Variants in ATXN3 observed in about 807,000 individuals in gnomAD.
ATXN3 encodes the protein ataxin-3.
ATXN3 carries 28 observed loss-of-function variants against 58.2 expected under a neutral mutation model. The ratio of observed to expected loss-of-function variants is 0.48; its 90% CI spans 0.36 to 0.66. The LOEUF (loss-of-function observed/expected upper bound fraction) is 0.66. Ranked by LOEUF, ATXN3 falls within the 30% of genes least tolerant of loss-of-function variation. The pLI, the probability that ATXN3 is intolerant of heterozygous loss-of-function variation, is 0.00. For synonymous variants in ATXN3, 113 were observed against 138.5 expected (o/e 0.82, Z 1.29); for missense variants, 321 against 422.1 (o/e 0.76, Z 2.10).
intron 10 of ATXN3, among the ~76,000 whole-genome samples, chr14:92,065,074 C>G (rs1363004418): frequency 6.6e-6 from 1 of 152,208 alleles, no homozygotes; most frequent in Non-Finnish European, 1.5e-5. Context: ...TATAATACCA[C>G]AAAGATCTCC....
At chr14:92,048,858 G>A (rs779471266) in intron 1 of ATXN3, among the ~76,000 whole-genome samples, 7 of 152,140 alleles carry the variant, frequency 4.6e-5, no homozygotes, top group South Asian at 2.1e-4. Context: ...CAAAGGACTC[G>A]GAGCTTGGGG....
chr14:92,093,963 T>G, intron 3 of ATXN3, 132 bp from the exon 4 acceptor site: 1 of 521,410 alleles, frequency 1.9e-6, no homozygotes, highest in Non-Finnish European at 3.3e-6. Flanking sequence ...TTTTTTTTTG[T>G]GACAGAGTCT....
chr14:92,056,801 G>C (rs1254684645), downstream of ATXN3, among the ~76,000 whole-genome samples: 2 of 152,146 alleles, frequency 1.3e-5, no homozygotes, highest in Non-Finnish European at 2.9e-5. Context: ...ATTTGAACCA[G>C]AGCAACTCCA....
At chr14:92,098,042 T>G (rs550396213) in intron 1 of ATXN3, among the ~76,000 whole-genome samples, 3 of 152,302 alleles carry the variant, frequency 2.0e-5, no homozygotes, top group Non-Finnish European at 4.4e-5. Context: ...TATAAAACAT[T>G]TAGTCTCCCT....
chr14:92,100,037 A>G (rs1031548983), intron 1 of ATXN3, among the ~76,000 whole-genome samples: 2 of 152,230 alleles, frequency 1.3e-5, no homozygotes, highest in Non-Finnish European at 2.9e-5. Flanking sequence ...AAAGAACACA[A>G]AAGAGGTACT....
intron 1 of ATXN3, among the ~76,000 whole-genome samples, chr14:92,048,662 G>C (rs56321668): frequency 0.077 from 11,702 of 152,208 alleles, 590 homozygotes; most frequent in Admixed American, 0.14. Context: ...GAAATTGTTG[G>C]GCAGGTAGGG....
At chr14:92,066,394 T>A (rs951475420) in intron 10 of ATXN3, among the ~76,000 whole-genome samples, 2 of 152,134 alleles carry the variant, frequency 1.3e-5, no homozygotes, top group Admixed American at 6.6e-5. Flanking sequence ...AAGTCTATTG[T>A]GTTTACCCAT....
intron 6 of ATXN3, among the ~76,000 whole-genome samples, chr14:92,083,964 T>C (rs1431846059): frequency 6.6e-6 from 1 of 152,166 alleles, no homozygotes; most frequent in Admixed American, 6.6e-5. Context: ...CCCTCAAACA[T>C]CAGACTCCAA....
intron 1 of ATXN3, among the ~76,000 whole-genome samples, chr14:92,101,905 C>T (rs1407932942): frequency 1.3e-5 from 2 of 150,522 alleles, no homozygotes; most frequent in Non-Finnish European, 1.5e-5. Context: ...CTGTAATCCC[C>T]GCACTTTGGG....
At chr14:92,098,723 TG>T (rs1353562824) in intron 1 of ATXN3, among the ~76,000 whole-genome samples, 6 of 152,258 alleles carry the variant, frequency 3.9e-5, no homozygotes, top group Non-Finnish European at 8.8e-5. Flanking sequence ...GTTCTCTTCA[TG>T]GAACTCTACA....
At chr14:92,095,484 C>T (rs34158455) in intron 3 of ATXN3, among the ~76,000 whole-genome samples, 42,602 of 79,168 alleles carry the variant, frequency 0.54, 6,319 homozygotes, top group East Asian at 0.62. Context: ...CCTCGTGATC[C>T]GCCCACCTCG....
intron 10 of ATXN3, among the ~76,000 whole-genome samples, chr14:92,067,007 T>C (rs1595506454): frequency 6.6e-6 from 1 of 151,940 alleles, no homozygotes; most frequent in South Asian, 2.1e-4. Flanking sequence ...TGACTTCAGG[T>C]GATCTGCCTG....
downstream of ATXN3, among the ~76,000 whole-genome samples, chr14:92,057,100 C>T (rs2057474810): frequency 6.6e-6 from 1 of 152,176 alleles, no homozygotes; most frequent in Admixed American, 6.5e-5. Context: ...AAAGGGCAGG[C>T]ATGAATAATC....
chr14:92,093,803 C>A lies in ATXN3; in HGVS notation c.263G>T (p.Gly88Val), dbSNP rs2064463208. 6.2e-7 allele frequency: 1 copy of A among 1,612,150 alleles called. No homozygotes were observed. The highest frequency in any genetic ancestry group is 8.5e-7 in the Non-Finnish European group (1 of 1,178,344). The change falls in exon 4 of 11, where the codon GGT (glycine) becomes GTT (valine). Residue 88 changes from glycine (G) to valine (V), a missense_variant. Physicochemically the swap from Gly to Val is moderately radical, Grantham distance 109. This residue lies in a region of ATXN3 where 121 missense variants were observed against 198.9 expected (regional missense o/e 0.61). Coordinates refer to ENST00000644486, the MANE Select transcript of ATXN3 (RefSeq NM_004993.6). ...ACTGTTGAACAGGATTAGTTCTAAACCCCAAACTTTCAAGGCATTGCTTAT... is the reference window on the plus strand; with the variant it reads ...ACTGTTGAACAGGATTAGTTCTAAAACCCAAACTTTCAAGGCATTGCTTAT... ...QVISNALKVW[G>V]LELILFNSPE...
At chr14:92,080,051 TA>T (rs948590614) in intron 9 of ATXN3, among the ~76,000 whole-genome samples, 17 of 147,436 alleles carry the variant, frequency 1.2e-4, no homozygotes, top group Admixed American at 1.4e-4. Flanking sequence ...TATTTTTCTT[TA>T]AAAAAAAAAA....
At chr14:92,079,561 T>C in intron 9 of ATXN3, 2 of 337,886 alleles carry the variant, frequency 5.9e-6, no homozygotes, top group Non-Finnish European at 8.5e-6. Context: ...GCTAATATAC[T>C]GTCAATTATG....
chr14:92,070,077 T>TC (rs1334078867), intron 10 of ATXN3, among the ~76,000 whole-genome samples: 1 of 152,208 alleles, frequency 6.6e-6, no homozygotes, highest in Non-Finnish European at 1.5e-5. Context: ...ATTATTCAGT[T>TC]TTAAGAGTTC....
At chr14:92,071,315 G>A in intron 9 of ATXN3, 1 of 615,784 alleles carries the variant, frequency 1.6e-6, no homozygotes, top group Non-Finnish European at 2.9e-6. Context: ...ACCTATCATG[G>A]CCAGGAGTGG....
At chr14:92,048,540 T>C (rs2057436963) in intron 1 of ATXN3, among the ~76,000 whole-genome samples, 1 of 152,204 alleles carries the variant, frequency 6.6e-6, no homozygotes, top group Non-Finnish European at 1.5e-5. Context: ...GGGTTGAGTT[T>C]TTATATTTGA....
Sources: gnomAD v4.1 joint callset for allele counts (sites outside exome capture counted in the v4.1 genomes callset) on GRCh38, gnomAD v4.1.1 for gene constraint, gnomAD v4.1.1 regional missense constraint, MANE v1.5 for transcripts, NCBI Gene and HGNC (gene_info 2026-07-23, HGNC 2026-07-21) for gene names.